Variants in CCDC175 observed in about 807,000 individuals in gnomAD.
The protein encoded by CCDC175 is coiled-coil domain-containing protein 175.
A neutral mutation model predicts 114.6 loss-of-function variants in CCDC175; 100 were observed. That is an observed-to-expected ratio of 0.87 (90% CI 0.74 to 1.03). The LOEUF (loss-of-function observed/expected upper bound fraction) is 1.03. CCDC175 is among the 50% of genes least tolerant of loss of function. The pLI, the probability that CCDC175 is intolerant of heterozygous loss-of-function variation, is 0.00. For missense variants in CCDC175, 880 were observed against 917.8 expected (o/e 0.96, Z 0.53); for synonymous variants, 306 against 308.7 (o/e 0.99, Z 0.09).
chr14:59,553,904 T>A (rs912130872), intron 7 of CCDC175, among the ~76,000 whole-genome samples: 25 of 151,862 alleles, frequency 1.6e-4, no homozygotes, highest in East Asian at 3.8e-4. Context: ...CAATTCAACA[T>A]GAAGAGCTAA....
rs58673072 is a variant in CCDC175 at position 59,505,531 on chromosome 14, C to T, written c.2306-216G>A. 3.9e-3 allele frequency: 1,271 copies of T among 323,090 alleles called. 18 individuals are homozygous for T. Among genetic ancestry groups the T allele is most frequent in the African/African-American group, 0.025 (1,185 of 47,224 alleles). 20.0% of individuals were successfully genotyped at this position (323,090 alleles called of 1,614,324 possible). ...TTTTACAATCATTTTTTTCATATGT[C>T]CTGTTCTAGCAGAAAAGTATATATG... On this transcript the variant is annotated intron_variant, in intron 19 of 19. Transcript: ENST00000537690.
At chr14:59,529,064 G>A (rs916422326) in intron 14 of CCDC175, among the ~76,000 whole-genome samples, 1 of 152,128 alleles carries the variant, frequency 6.6e-6, no homozygotes, top group Non-Finnish European at 1.5e-5. Flanking sequence ...TAATAGTCCT[G>A]GGTGAGCTTC....
chr14:59,573,749 A>T lies in CCDC175; in HGVS notation c.244-936T>A, dbSNP rs576329602. ...CCTACAAGCCTCCCAAGTAGCTAGG[A>T]TTACAGGCTCCCGCCACCTTGCCAG... On this transcript the variant is annotated intron_variant, in intron 2 of 19. Transcript: ENST00000537690. Among the ~76,000 whole-genome samples the T allele has an allele frequency of 3.3e-5, 5 of 151,970 alleles. No homozygotes were observed. The South Asian group carries it at 1.0e-3, about 32-fold the overall frequency.
At chr14:59,519,151 C>T (rs918238715) in intron 17 of CCDC175, among the ~76,000 whole-genome samples, 1 of 152,114 alleles carries the variant, frequency 6.6e-6, no homozygotes, top group Non-Finnish European at 1.5e-5. Flanking sequence ...GGGAACATCA[C>T]ATACCAGGGC....
At chr14:59,558,004 G>A (rs1896016066) in intron 7 of CCDC175, among the ~76,000 whole-genome samples, 1 of 152,126 alleles carries the variant, frequency 6.6e-6, no homozygotes, top group African/African-American at 2.4e-5. Context: ...AAGGATCCTG[G>A]GAGCAAGAAT....
chr14:59,545,386 C>A lies in CCDC175; in HGVS notation c.1036-87G>T, dbSNP rs1895041587. 7 of 1,210,206 alleles carry A rather than the reference C, an allele frequency of 5.8e-6. No homozygotes were observed. In the East Asian group the frequency reaches 1.0e-4, roughly 18 times the overall value. 75.0% of individuals were successfully genotyped at this position (1,210,206 alleles called of 1,614,324 possible). A position where few individuals can be genotyped will look rare whatever the true frequency, so the allele number is the denominator to read the frequency against. ...GCATCAGGTGGCAACTCGGAGAGCA[C>A]CTGGGATATTGCTTAGCCCACCGTG... On this transcript the variant is annotated intron_variant, in intron 8 of 19. Transcript: ENST00000537690.
intron 14 of CCDC175, among the ~76,000 whole-genome samples, chr14:59,530,283 C>T (rs1214735382): frequency 6.6e-6 from 1 of 151,976 alleles, no homozygotes; most frequent in African/African-American, 2.4e-5. Context: ...AGGAGAATCG[C>T]TTGAACCCAG....
intron 2 of CCDC175, among the ~76,000 whole-genome samples, chr14:59,574,493 ACATAT>A (rs1897001768): frequency 6.6e-6 from 1 of 152,248 alleles, no homozygotes; most frequent in African/African-American, 2.4e-5. Flanking sequence ...CTTCAGTGGA[ACATAT>A]GTCAAATAAT....
At chr14:59,550,422 C>G (rs1895395466) in intron 8 of CCDC175, among the ~76,000 whole-genome samples, 1 of 151,408 alleles carries the variant, frequency 6.6e-6, no homozygotes, top group Non-Finnish European at 1.5e-5. Context: ...TTTTTTTAAC[C>G]TAAGTTTGAA....
intron 11 of CCDC175, 92 bp downstream of exon 11, chr14:59,540,580 TAAC>T (rs993697690): frequency 1.6e-4 from 209 of 1,298,210 alleles, no homozygotes; most frequent in East Asian, 1.3e-3. Flanking sequence ...TGGGTTCTAG[TAAC>T]AACAAGTACT....
chr14:59,548,003 T>C (rs1221648885), intron 8 of CCDC175, among the ~76,000 whole-genome samples: 3 of 152,220 alleles, frequency 2.0e-5, no homozygotes, highest in East Asian at 1.9e-4. Context: ...TCTGTACTTC[T>C]ATGTTCATTG....
chr14:59,528,435 G>T (rs1437557434), intron 14 of CCDC175, among the ~76,000 whole-genome samples: 1 of 151,842 alleles, frequency 6.6e-6, no homozygotes, highest in East Asian at 1.9e-4. Context: ...AATTTTATTA[G>T]TTCTTTAAAA....
intron 3 of CCDC175, among the ~76,000 whole-genome samples, chr14:59,572,022 C>T (rs1479528832): frequency 1.3e-5 from 2 of 151,238 alleles, no homozygotes; most frequent in Non-Finnish European, 2.9e-5. Flanking sequence ...TAAGGATGTT[C>T]AACTGGAAAG....
At chr14:59,554,655 C>CA (rs1192353582) in intron 7 of CCDC175, among the ~76,000 whole-genome samples, 6 of 151,988 alleles carry the variant, frequency 3.9e-5, no homozygotes, top group African/African-American at 7.3e-5. Flanking sequence ...AAAAACCCTT[C>CA]AAAAAATCAA....
At chr14:59,514,861 T>C (rs1199000066) in intron 17 of CCDC175, among the ~76,000 whole-genome samples, 1 of 152,072 alleles carries the variant, frequency 6.6e-6, no homozygotes, top group East Asian at 1.9e-4. Flanking sequence ...AGACACATAA[T>C]TGTCAGATTC....
intron 4 of CCDC175, among the ~76,000 whole-genome samples, chr14:59,566,547 G>A (rs1896555993): frequency 1.3e-5 from 2 of 152,206 alleles, no homozygotes; most frequent in Admixed American, 1.3e-4. Context: ...GGATGCAGCA[G>A]AGGAAGCCTT....
chr14:59,545,350 T>C, intron 8 of CCDC175, 51 bp from the exon 9 acceptor site: 1 of 1,512,816 alleles, frequency 6.6e-7, no homozygotes, highest in Non-Finnish European at 8.8e-7. Flanking sequence ...ACTGCTCCTC[T>C]GAGGCCATCT....
At chr14:59,515,749 A>C (rs1158756674) in intron 17 of CCDC175, among the ~76,000 whole-genome samples, 1 of 152,312 alleles carries the variant, frequency 6.6e-6, no homozygotes, top group East Asian at 1.9e-4. Flanking sequence ...TCAACATTAG[A>C]CAGATCAATG....
intron 7 of CCDC175, among the ~76,000 whole-genome samples, chr14:59,554,323 G>A (rs6573268): frequency 0.26 from 39,524 of 152,058 alleles, 5,277 homozygotes; most frequent in South Asian, 0.4. Flanking sequence ...ACTTAAAACC[G>A]CTCAACTACA....
Sources: gnomAD v4.1 joint callset for allele counts (sites outside exome capture counted in the v4.1 genomes callset) on GRCh38, gnomAD v4.1.1 for gene constraint, MANE v1.5 for transcripts, NCBI Gene and HGNC (gene_info 2026-07-23, HGNC 2026-07-21) for gene names.